Variants in TTC29 observed in about 807,000 individuals in gnomAD.
TTC29 encodes the protein tetratricopeptide repeat domain 29, also known as tetratricopeptide repeat protein 29.
A neutral mutation model predicts 58.1 loss-of-function variants in TTC29; 49 were observed. That is an observed-to-expected ratio of 0.84 (90% confidence interval 0.67 to 1.07). The LOEUF (loss-of-function observed/expected upper bound fraction) is 1.07. Among genes scored for constraint, TTC29 ranks in the 50% least tolerant of loss-of-function variants. TTC29 has a pLI of 0.00. For synonymous variants in TTC29, 209 were observed against 196.8 expected (o/e 1.06, Z -0.52); for missense variants, 582 against 555.6 (o/e 1.05, Z -0.48).
chr4:146,813,199 G>T (rs1469603488), intron 10 of TTC29, among the ~76,000 whole-genome samples: 2 of 152,142 alleles, frequency 1.3e-5, no homozygotes, highest in South Asian at 2.1e-4. Context: ...TCAGTACTAA[G>T]GATAAATCAT....
At chr4:146,880,634 CA>C (rs1731561931) in intron 6 of TTC29, among the ~76,000 whole-genome samples, 1 of 152,026 alleles carries the variant, frequency 6.6e-6, no homozygotes, top group Admixed American at 6.6e-5. Context: ...AAATATTAAG[CA>C]AAGGAGAATG....
At chr4:146,824,413 T>C (rs1282513338) in intron 9 of TTC29, among the ~76,000 whole-genome samples, 5 of 152,222 alleles carry the variant, frequency 3.3e-5, no homozygotes, top group Non-Finnish European at 2.9e-5. Context: ...TTTATTGATT[T>C]GCTTATGTTG....
chr4:146,797,901 T>C (rs1749940725), intron 11 of TTC29, among the ~76,000 whole-genome samples: 1 of 148,362 alleles, frequency 6.7e-6, no homozygotes, highest in South Asian at 2.1e-4. Context: ...GGGCCTCCAA[T>C]TCAATCATAT....
At chr4:146,818,273 G>A (rs549608938) in intron 10 of TTC29, among the ~76,000 whole-genome samples, 1 of 152,276 alleles carries the variant, frequency 6.6e-6, no homozygotes, top group East Asian at 1.9e-4. Context: ...AGTGGGCAAA[G>A]GATATGAACA....
rs147962759 is a variant in TTC29, at chr4:146,882,935, G to GCTCT, written c.587-8011_587-8008dup. Among the ~76,000 whole-genome samples, 882 of 150,250 alleles carry GCTCT rather than the reference G, an allele frequency of 5.9e-3. 6 individuals are homozygous for GCTCT. Among genetic ancestry groups the GCTCT allele is most frequent in the African/African-American group, 0.02 (813 of 41,128 alleles). On this transcript the variant is annotated intron_variant, in intron 6 of 12. Coordinates refer to ENST00000325106, the MANE Select transcript of TTC29 (RefSeq NM_031956.4). ...TGTGCCAGGCGTGACACTAGCTGCTGCTCTCTCTCTCTCTCTCTGTGTGTG... is the reference window on the plus strand; with the variant it reads ...TGTGCCAGGCGTGACACTAGCTGCTGCTCTCTCTCTCTCTCTCTCTCTGTGTGTG...
chr4:146,877,558 A>AT (rs1027687897), intron 6 of TTC29, among the ~76,000 whole-genome samples: 1 of 152,068 alleles, frequency 6.6e-6, no homozygotes, highest in Non-Finnish European at 1.5e-5. Flanking sequence ...CATGACCCTC[A>AT]TTTTTTAAAA....
At chr4:146,810,226 C>T (rs1031967502) in intron 10 of TTC29, among the ~76,000 whole-genome samples, 3 of 152,152 alleles carry the variant, frequency 2.0e-5, no homozygotes, top group African/African-American at 7.2e-5. Context: ...GACATGGACA[C>T]AGGGAAGGGA....
At chr4:146,763,962 A>T (rs916284806) in intron 11 of TTC29, 1 of 150,850 alleles carries the variant, frequency 6.6e-6, no homozygotes, top group Non-Finnish European at 1.5e-5. Context: ...TGATGGCTTA[A>T]GGCAGAGGGG....
intron 8 of TTC29, among the ~76,000 whole-genome samples, chr4:146,847,957 T>C (rs1451946160): frequency 6.6e-6 from 1 of 152,256 alleles, no homozygotes; most frequent in Non-Finnish European, 1.5e-5. Flanking sequence ...TCACAGGTAC[T>C]GCGTTTAACA....
At chr4:146,780,302 GGTGTGT>G (rs57951745) in intron 11 of TTC29, among the ~76,000 whole-genome samples, 29,829 of 138,364 alleles carry the variant, frequency 0.22, 3,389 homozygotes, top group Admixed American at 0.3. Context: ...CCTAACTTGG[GGTGTGT>G]GTGTGTGTGT....
chr4:146,854,392 T>G (rs996290845), intron 8 of TTC29, among the ~76,000 whole-genome samples: 1 of 152,214 alleles, frequency 6.6e-6, no homozygotes, highest in African/African-American at 2.4e-5. Context: ...GTGACACATT[T>G]GGGTTGCAAT....
chr4:146,867,721 A>T (rs1280012879), intron 7 of TTC29, 138 bp from the exon 8 acceptor site: 2 of 456,888 alleles, frequency 4.4e-6, no homozygotes, highest in East Asian at 7.2e-5. Flanking sequence ...AAACCTAGCT[A>T]TATACTGAAA....
chr4:146,818,995 A>T (rs932147785), intron 10 of TTC29, among the ~76,000 whole-genome samples: 2 of 152,032 alleles, frequency 1.3e-5, no homozygotes, highest in Non-Finnish European at 2.9e-5. Flanking sequence ...ATGACGAGTT[A>T]CCTAATGCTA....
intron 7 of TTC29, among the ~76,000 whole-genome samples, chr4:146,872,335 A>G (rs1181871860): frequency 6.6e-6 from 1 of 152,122 alleles, no homozygotes; most frequent in Non-Finnish European, 1.5e-5. Context: ...CATTGGTCAA[A>G]GCCTTCTTAT....
At position 146,782,098 on chromosome 4, in the gene TTC29, A is replaced by G. The variant is rs562429587; in HGVS notation, c.1330+21359T>C. Among the ~76,000 whole-genome samples the G allele has an allele frequency of 2.0e-5, 3 of 151,944 alleles. No homozygotes were observed. The East Asian group carries it at 5.8e-4, about 29-fold the overall frequency. On this transcript the variant is annotated intron_variant, in intron 11 of 12. Transcript: ENST00000325106. Reference sequence around the variant, plus strand: ...GGCATTTTTTGAGTCTAGAGGTGCAACAACCTATTACAAATTCTATCTTTA... The same window carrying G: ...GGCATTTTTTGAGTCTAGAGGTGCAGCAACCTATTACAAATTCTATCTTTA...
intron 11 of TTC29, among the ~76,000 whole-genome samples, chr4:146,723,213 C>T (rs945098862): frequency 2.0e-5 from 3 of 151,658 alleles, no homozygotes; most frequent in Non-Finnish European, 2.9e-5. Flanking sequence ...CACCATTGCA[C>T]TCCAGCTTGG....
intron 4 of TTC29, among the ~76,000 whole-genome samples, chr4:146,913,092 G>T (rs1733998811): frequency 1.3e-5 from 2 of 152,244 alleles, no homozygotes; most frequent in Admixed American, 1.3e-4. Flanking sequence ...AGTTTGGGGG[G>T]TGACATAGGA....
intron 8 of TTC29, among the ~76,000 whole-genome samples, chr4:146,841,708 G>T (rs904353573): frequency 6.6e-6 from 1 of 151,948 alleles, no homozygotes; most frequent in African/African-American, 2.4e-5. Context: ...GGCCTTGGAG[G>T]AGCCTTGTGA....
intron 4 of TTC29, among the ~76,000 whole-genome samples, chr4:146,910,466 T>A (rs1312415695): frequency 6.6e-6 from 1 of 152,028 alleles, no homozygotes; most frequent in Non-Finnish European, 1.5e-5. Flanking sequence ...TCTTATCCAT[T>A]GGATCAACTT....
Sources: allele counts gnomAD v4.1 joint callset (sites outside exome capture counted in the v4.1 genomes callset), GRCh38; gene constraint gnomAD v4.1.1; transcripts MANE v1.5; gene names NCBI Gene and HGNC (gene_info 2026-07-23, HGNC 2026-07-21).